The following ATP2C1 variants were observed in gnomAD, a reference collection of about 807,000 sequenced individuals.
The protein encoded by ATP2C1 is ATPase secretory pathway Ca2+ transporting 1.
In ATP2C1, 31 loss-of-function variants were observed where a neutral mutation model predicts 120.5. The ratio of observed to expected loss-of-function variants is 0.26; its 90% CI spans 0.19 to 0.35. The LOEUF (loss-of-function observed/expected upper bound fraction) is 0.35, where lower values mean the gene tolerates loss of function less well. Among genes scored for constraint, ATP2C1 ranks in the 10% least tolerant of loss-of-function variants. ATP2C1 has a pLI of 1.00. For missense variants in ATP2C1, 731 were observed against 1,107.5 expected (o/e 0.66, Z 4.83); for synonymous variants, 351 against 358.7 (o/e 0.98, Z 0.24).
intron 2 of ATP2C1, chr3:130,914,546 G>A (rs2058594553): frequency 6.6e-6 from 1 of 152,178 alleles, no homozygotes; most frequent in Admixed American, 6.6e-5. Flanking sequence ...ATCATTCTGG[G>A]GTGTCTTTGT....
At chr3:130,929,189 A>G (rs770356332) in intron 2 of ATP2C1, among the ~76,000 whole-genome samples, 1 of 152,178 alleles carries the variant, frequency 6.6e-6, no homozygotes, top group Non-Finnish European at 1.5e-5. Flanking sequence ...TTAAAAGTTG[A>G]AAAATACTAC....
rs1364848889 is a variant in ATP2C1, at chr3:130,980,741, T to C, written c.1839+62T>C. The C allele has an allele frequency of 3.3e-6, 4 of 1,206,416 alleles. No homozygotes were observed. The African/African-American group carries it at 6.0e-5, about 18-fold the overall frequency. The allele number at this position is 1,206,416 out of a possible 1,614,324, so 74.7% of individuals were successfully genotyped here. The stretch of plus-strand genomic sequence containing the variant: ...TTATTCTAAGTGTTACCATTTCTAC[T>C]ACTATCTTAATGAAACTGTTTAATT... On this transcript the variant is annotated intron_variant, in intron 20 of 27. Coordinates refer to ENST00000510168, the MANE Select transcript of ATP2C1 (RefSeq NM_001378687.1).
Position 130,980,584 on chromosome 3 carries a change from A to G in ATP2C1, c.1744A>G (p.Ser582Gly). ...DSQETAVAIA[S>G]RLGLYSKTSQ... is the part of the protein sequence containing the mutation. ...ATTTTCTCTCTCATTTGCTTTAGCCAGTCGTCTGGGATTGTATTCCAAAAC... is the reference window on the plus strand; with the variant it reads ...ATTTTCTCTCTCATTTGCTTTAGCCGGTCGTCTGGGATTGTATTCCAAAAC... Residue 582 changes from serine to glycine, a missense_variant and splice_region_variant, in exon 20 of 28, where the codon AGT becomes GGT. Physicochemically the swap from Ser to Gly is moderately conservative, Grantham distance 56 (BLOSUM62 0). Transcript: ENST00000510168. 8 of 1,612,192 alleles carry G rather than the reference A, an allele frequency of 5.0e-6. No homozygotes were observed. Among genetic ancestry groups the G allele is most frequent in the Non-Finnish European group, 6.8e-6 (8 of 1,178,472 alleles).
chr3:131,003,157 C>T (rs1238188763), downstream of ATP2C1: 5 of 981,548 alleles, frequency 5.1e-6, no homozygotes, highest in Non-Finnish European at 6.1e-6. Flanking sequence ...TTAATGACAT[C>T]CCAGTGGGGA....
chr3:130,894,506 AG>A lies in ATP2C1; in HGVS notation c.-180-78del, dbSNP rs548595716. On this transcript the variant is annotated intron_variant, in intron 1 of 27. Coordinates refer to ENST00000510168, the MANE Select transcript of ATP2C1 (RefSeq NM_001378687.1). This position sits in a 1 kb window ranked among gnomAD's most constrained non-coding sequence, Gnocchi z 4.5. ...ACGGGGCGGGTGCGGGATCTTGGGG[AG>A]GGGGGCTCCCGAGATAGTGGCTGGG... 2.2e-6 allele frequency: 3 copies of A among 1,365,338 alleles called. No homozygotes were observed. The highest frequency in any genetic ancestry group is 3.3e-5 in the South Asian group (2 of 61,158). 84.6% of individuals were successfully genotyped at this position (1,365,338 alleles called of 1,614,324 possible).
chr3:130,997,559 C>A, intron 24 of ATP2C1, 47 bp from the exon 25 acceptor site: 2 of 1,581,338 alleles, frequency 1.3e-6, no homozygotes, highest in Non-Finnish European at 1.7e-6. Flanking sequence ...GTAACAAATC[C>A]AGACCTTAAA....
chr3:130,916,859 A>G (rs1037386574), intron 2 of ATP2C1, among the ~76,000 whole-genome samples: 2 of 152,028 alleles, frequency 1.3e-5, no homozygotes, highest in Non-Finnish European at 1.5e-5. Context: ...TTTCTTACTC[A>G]TGTTGAGGAT....
intron 2 of ATP2C1, among the ~76,000 whole-genome samples, chr3:130,912,438 C>T (rs532110367): frequency 5.2e-4 from 79 of 151,322 alleles, no homozygotes; most frequent in South Asian, 2.9e-3. Flanking sequence ...AAAAAGTGGG[C>T]GAAAGACATG....
At chr3:131,000,290 C>T (rs1455855875) in intron 27 of ATP2C1, among the ~76,000 whole-genome samples, 1 of 152,080 alleles carries the variant, frequency 6.6e-6, no homozygotes. Flanking sequence ...AGGAGTTATA[C>T]AGTTTCACTG....
chr3:130,867,172 C>T (rs1178664541), intron 1 of ATP2C1, among the ~76,000 whole-genome samples: 4 of 152,192 alleles, frequency 2.6e-5, no homozygotes, highest in Non-Finnish European at 5.9e-5. Flanking sequence ...CTTGGGCCTT[C>T]CTATTTCTTG....
intron 2 of ATP2C1, among the ~76,000 whole-genome samples, chr3:130,906,922 A>G (rs1391985044): frequency 6.6e-6 from 1 of 151,930 alleles, no homozygotes; most frequent in Non-Finnish European, 1.5e-5. Flanking sequence ...GTTACTGTAG[A>G]TTTTGCGATA....
chr3:130,894,790 C>T lies in ATP2C1; in HGVS notation c.6+15C>T, dbSNP rs112703671. 6.2e-7 allele frequency: 1 copy of T among 1,613,196 alleles called. No homozygotes were observed. The highest frequency in any genetic ancestry group is 1.1e-5 in the South Asian group (1 of 91,066). On this transcript the variant is annotated intron_variant, in intron 2 of 27. Coordinates refer to ENST00000510168, the MANE Select transcript of ATP2C1 (RefSeq NM_001378687.1). This position sits in a 1 kb window ranked among gnomAD's most constrained non-coding sequence, Gnocchi z 4.5. ...GGAAAATGAAGGTAAAGGCCCCTGG[C>T]CGACCGGTTGCAACGCGGAGTTGAG...
intron 1 of ATP2C1, among the ~76,000 whole-genome samples, chr3:130,852,510 G>T (rs2067706009): frequency 6.6e-6 from 1 of 152,140 alleles, no homozygotes; most frequent in African/African-American, 2.4e-5. Context: ...CCCTTCCCCA[G>T]TGTACAACCA....
chr3:130,993,634 C>T (rs1350204785), intron 21 of ATP2C1, among the ~76,000 whole-genome samples: 1 of 152,212 alleles, frequency 6.6e-6, no homozygotes, highest in African/African-American at 2.4e-5. Context: ...CATCTCCACA[C>T]ATTGTCAGAT....
intron 1 of ATP2C1, among the ~76,000 whole-genome samples, chr3:130,883,961 TG>T (rs1394237368): frequency 3.4e-5 from 5 of 148,202 alleles, no homozygotes; most frequent in East Asian, 2.0e-4. Flanking sequence ...TTTTTTTTTT[TG>T]ATAGAGTCTT....
intron 2 of ATP2C1, chr3:130,918,896 G>T (rs892320090): frequency 6.3e-6 from 2 of 319,544 alleles, no homozygotes; most frequent in African/African-American, 4.4e-5. Context: ...GGAGGCTGAG[G>T]CAGGAGAATG....
intron 1 of ATP2C1, among the ~76,000 whole-genome samples, chr3:130,884,792 C>T (rs1030534723): frequency 1.2e-4 from 18 of 152,062 alleles, no homozygotes; most frequent in African/African-American, 4.1e-4. Flanking sequence ...GTCAAGAAAA[C>T]TATTTTGTCT....
intron 1 of ATP2C1, among the ~76,000 whole-genome samples, chr3:130,884,865 T>A (rs2068910249): frequency 6.6e-6 from 1 of 151,988 alleles, no homozygotes; most frequent in Non-Finnish European, 1.5e-5. Flanking sequence ...TCTTTTTCCA[T>A]CCTTTTATTT....
In ATP2C1 at chr3:131,001,364, A is replaced by G. The variant is rs1222567111; in HGVS notation, c.*14A>G. 3 of 1,611,526 alleles carry G rather than the reference A, an allele frequency of 1.9e-6. No individual in the cohort carries two copies. Among genetic ancestry groups the G allele is most frequent in the Admixed American group, 1.7e-5 (1 of 59,910 alleles). On this transcript the variant is annotated 3_prime_UTR_variant, in exon 28 of 28. Transcript: ENST00000510168. ...CTTGAAGTATGATGCATATTGCATTATTTTATTTGCAAACTAGGAATTGCA... is the reference window on the plus strand; with the variant it reads ...CTTGAAGTATGATGCATATTGCATTGTTTTATTTGCAAACTAGGAATTGCA...
Sources: allele counts gnomAD v4.1 joint callset (sites outside exome capture counted in the v4.1 genomes callset), GRCh38; gene constraint gnomAD v4.1.1; non-coding constraint Gnocchi (gnomAD v3.1); transcripts MANE v1.5; gene names NCBI Gene and HGNC (gene_info 2026-07-23, HGNC 2026-07-21).